Variants in FRMD5 observed in about 807,000 individuals in gnomAD.
The protein encoded by FRMD5 is FERM domain containing 5.
FRMD5 carries 20 observed loss-of-function variants against 69.0 expected under a neutral mutation model. That is an observed-to-expected ratio of 0.29 (90% confidence interval 0.20 to 0.42). FRMD5 has a LOEUF of 0.42. Ranked by LOEUF, FRMD5 falls within the 10% of genes least tolerant of loss-of-function variation. The pLI, the probability that FRMD5 is intolerant of heterozygous loss-of-function variation, is 1.00. For synonymous variants in FRMD5, 271 were observed against 260.1 expected, an observed-to-expected ratio of 1.04 and a Z score of -0.40; for missense variants, 595 against 708.6, an observed-to-expected ratio of 0.84 and a Z score of 1.82.
At chr15:43,908,155 C>T (rs1004372493) in intron 5 of FRMD5, among the ~76,000 whole-genome samples, 1 of 151,808 alleles carries the variant, frequency 6.6e-6, no homozygotes, top group African/African-American at 2.4e-5. Flanking sequence ...GGTGAAACCC[C>T]ATCTCTACAA....
intron 1 of FRMD5, among the ~76,000 whole-genome samples, chr15:44,035,403 CTGG>C (rs1034757842): frequency 6.6e-6 from 1 of 152,192 alleles, no homozygotes; most frequent in Admixed American, 6.5e-5. Context: ...AAGTGTTACT[CTGG>C]TGGTGTAAAG....
chr15:43,887,133 C>G lies in FRMD5; in HGVS notation c.884+1042G>C, dbSNP rs145222024. On this transcript the variant is annotated intron_variant, in intron 10 of 13. Transcript: ENST00000417257. ...GAGATTGCTTCTGTTTGCTTCTTCT[C>G]TACCCTTTGGTAGAGAGAAAGGGAA... 1.7e-3 allele frequency among the ~76,000 whole-genome samples: 260 copies of G among 152,332 alleles called. 2 individuals carry two copies. Among genetic ancestry groups the G allele is most frequent in the Middle Eastern group, 0.017 (5 of 294 alleles).
chr15:43,977,347 C>T (rs1311075098), intron 1 of FRMD5, among the ~76,000 whole-genome samples: 4 of 152,144 alleles, frequency 2.6e-5, no homozygotes, highest in Non-Finnish European at 5.9e-5. Context: ...AATGGCATCA[C>T]TATTGTTAAT....
intron 1 of FRMD5, among the ~76,000 whole-genome samples, chr15:44,150,783 C>T (rs557231349): frequency 5.9e-5 from 9 of 151,772 alleles, no homozygotes; most frequent in Non-Finnish European, 1.3e-4. Context: ...AGAGCAGACC[C>T]TGTCTCAGAA....
intron 1 of FRMD5, among the ~76,000 whole-genome samples, chr15:43,999,967 T>TATATGCTATGC (rs55916455): frequency 1.2e-4 from 5 of 42,022 alleles, no homozygotes; most frequent in Admixed American, 6.4e-4. Context: ...TATATATATA[T>TATATGCTATGC]ATATATATAT....
At chr15:44,054,848 C>T (rs1323850124) in intron 1 of FRMD5, among the ~76,000 whole-genome samples, 1 of 151,782 alleles carries the variant, frequency 6.6e-6, no homozygotes, top group Non-Finnish European at 1.5e-5. Context: ...GAGGCGGGCA[C>T]ATCACGAGGT....
chr15:44,126,666 T>C (rs1394261341), intron 1 of FRMD5, among the ~76,000 whole-genome samples: 5 of 152,184 alleles, frequency 3.3e-5, no homozygotes, highest in Admixed American at 6.5e-5. Flanking sequence ...CTCTCCCACA[T>C]AGGCCCTAGA....
intron 8 of FRMD5, among the ~76,000 whole-genome samples, chr15:43,891,319 T>G (rs1398857551): frequency 6.6e-6 from 1 of 152,074 alleles, no homozygotes; most frequent in Admixed American, 6.6e-5. Context: ...TCAGAGTAGC[T>G]GCAGCTGAGG....
rs974146911 is a variant in FRMD5, at chr15:43,875,726, T to C, written c.1136-1264A>G. Reference sequence around the variant, plus strand: ...CTCCTGGCCTCCCAAAGTGCTGGGATTATAGGTGTGAGCCACCGCACCCAG... The same window carrying C: ...CTCCTGGCCTCCCAAAGTGCTGGGACTATAGGTGTGAGCCACCGCACCCAG... On this transcript the variant is annotated intron_variant, in intron 13 of 13. Coordinates refer to ENST00000417257, the MANE Select transcript of FRMD5 (RefSeq NM_032892.5). The C allele has an allele frequency of 1.9e-5, 10 of 529,436 alleles. No individual in the cohort carries two copies. The East Asian group carries it at 3.1e-4, about 17-fold the overall frequency. 32.8% of individuals were successfully genotyped at this position (529,436 alleles called of 1,614,324 possible). A position where few individuals can be genotyped will look rare whatever the true frequency, so the allele number is the denominator to read the frequency against.
At chr15:44,100,111 T>C (rs1248620562) in intron 1 of FRMD5, among the ~76,000 whole-genome samples, 1 of 149,158 alleles carries the variant, frequency 6.7e-6, no homozygotes, top group Admixed American at 6.8e-5. Flanking sequence ...TGGAGTGTGG[T>C]GGCATGATCT....
chr15:43,989,499 T>C (rs1214692541), intron 1 of FRMD5: 11 of 874,032 alleles, frequency 1.3e-5, no homozygotes, highest in South Asian at 7.8e-5. Flanking sequence ...GAGGCCACCA[T>C]GGCCATCTCC....
chr15:43,938,836 A>G (rs1253088913), intron 1 of FRMD5, among the ~76,000 whole-genome samples: 1 of 152,108 alleles, frequency 6.6e-6, no homozygotes, highest in Admixed American at 6.5e-5. Flanking sequence ...TTTTTTCTTA[A>G]TGACACCATG....
At chr15:44,085,145 G>T (rs1894145678) in intron 1 of FRMD5, among the ~76,000 whole-genome samples, 1 of 152,100 alleles carries the variant, frequency 6.6e-6, no homozygotes, top group Non-Finnish European at 1.5e-5. Flanking sequence ...TTTAAAAGGT[G>T]AACAGGTATT....
intron 1 of FRMD5, among the ~76,000 whole-genome samples, chr15:44,061,862 G>A (rs1435663770): frequency 6.6e-6 from 1 of 152,046 alleles, no homozygotes; most frequent in Non-Finnish European, 1.5e-5. Flanking sequence ...TTCTGATACC[G>A]GACGTAATAC....
chr15:44,167,217 A>T (rs578057235), intron 1 of FRMD5, among the ~76,000 whole-genome samples: 17 of 152,272 alleles, frequency 1.1e-4, no homozygotes, highest in Non-Finnish European at 2.1e-4. Context: ...AAAAATTTAA[A>T]ATTAGCCAAG....
chr15:43,876,565 G>A (rs1402870866), intron 13 of FRMD5, among the ~76,000 whole-genome samples: 1 of 152,192 alleles, frequency 6.6e-6, no homozygotes, highest in Non-Finnish European at 1.5e-5. Context: ...AATATGTCAT[G>A]CCTAACTGGG....
intron 1 of FRMD5, among the ~76,000 whole-genome samples, chr15:44,142,465 T>C (rs1005536016): frequency 2.0e-5 from 3 of 152,164 alleles, no homozygotes; most frequent in African/African-American, 7.2e-5. Context: ...TTTAAGTAAA[T>C]TCTGAAAAAT....
At chr15:43,921,291 C>T (rs1293909543) in intron 2 of FRMD5, among the ~76,000 whole-genome samples, 1 of 152,198 alleles carries the variant, frequency 6.6e-6, no homozygotes, top group Non-Finnish European at 1.5e-5. Context: ...AGAACAGCAA[C>T]ACCCCCAGAC....
intron 1 of FRMD5, among the ~76,000 whole-genome samples, chr15:44,054,805 C>T (rs1193890874): frequency 6.6e-6 from 1 of 151,854 alleles, no homozygotes; most frequent in Non-Finnish European, 1.5e-5. Flanking sequence ...GGCGCAGTGG[C>T]TCACACCTGT....
Sources: gnomAD v4.1 joint callset for allele counts (sites outside exome capture counted in the v4.1 genomes callset) on GRCh38, gnomAD v4.1.1 for gene constraint, MANE v1.5 for transcripts, NCBI Gene and HGNC (gene_info 2026-07-23, HGNC 2026-07-21) for gene names.